The following NEK1 variants were observed in gnomAD, a reference collection of about 807,000 sequenced individuals.
NEK1 encodes the protein NIMA related kinase 1, also known as serine/threonine-protein kinase Nek1.
Under a neutral mutation model 182.1 loss-of-function variants are expected in NEK1, and 137 were observed. The ratio of observed to expected loss-of-function variants is 0.75; its 90% CI spans 0.65 to 0.87. The LOEUF (loss-of-function observed/expected upper bound fraction) is 0.87, where lower values mean the gene tolerates loss of function less well. NEK1 is among the 40% of genes least tolerant of loss of function. The pLI, the probability that NEK1 is intolerant of heterozygous loss-of-function variation, is 0.00. For synonymous variants in NEK1, 513 were observed against 492.2 expected, an observed-to-expected ratio of 1.04 and a Z score of -0.56; for missense variants, 1,391 against 1,494.4, an observed-to-expected ratio of 0.93 and a Z score of 1.14.
chr4:169,544,520 T>C (rs1760025801), intron 18 of NEK1, among the ~76,000 whole-genome samples: 1 of 152,124 alleles, frequency 6.6e-6, no homozygotes. Context: ...TTCTATTGTT[T>C]GCAATAGTTT....
intron 11 of NEK1, among the ~76,000 whole-genome samples, chr4:169,578,536 T>C (rs74508049): frequency 0.071 from 10,863 of 152,196 alleles, 1,272 homozygotes; most frequent in African/African-American, 0.25. Context: ...AAAAATGTAA[T>C]TGTAATAGAA....
chr4:169,553,367 A>G (rs557985809), intron 18 of NEK1, among the ~76,000 whole-genome samples: 1 of 152,336 alleles, frequency 6.6e-6, no homozygotes, highest in East Asian at 1.9e-4. Context: ...ACTCAAATGG[A>G]TCACAGATCT....
At chr4:169,452,774 C>T (rs1742080004) in intron 27 of NEK1, among the ~76,000 whole-genome samples, 1 of 152,212 alleles carries the variant, frequency 6.6e-6, no homozygotes, top group South Asian at 2.1e-4. Context: ...TGCCCTCTCT[C>T]ACCACTCCTA....
At chr4:169,397,765 C>T (rs531732096) in intron 35 of NEK1, among the ~76,000 whole-genome samples, 1 of 152,250 alleles carries the variant, frequency 6.6e-6, no homozygotes, top group Admixed American at 6.5e-5. Context: ...TGAAGCCACT[C>T]AGTTGTCAAA....
At chr4:169,546,803 CT>C (rs1032346531) in intron 18 of NEK1, among the ~76,000 whole-genome samples, 3 of 152,086 alleles carry the variant, frequency 2.0e-5, no homozygotes, top group African/African-American at 7.2e-5. Flanking sequence ...GCAACCCCTG[CT>C]TTTTTTGTTT....
intron 33 of NEK1, among the ~76,000 whole-genome samples, chr4:169,401,346 T>C (rs771082626): frequency 1.5e-4 from 23 of 152,116 alleles, no homozygotes; most frequent in Non-Finnish European, 3.1e-4. Context: ...TTCTAAAATA[T>C]AGAATGCCAA....
chr4:169,558,804 A>G (rs1455385426), intron 16 of NEK1, among the ~76,000 whole-genome samples: 4 of 152,188 alleles, frequency 2.6e-5, no homozygotes, highest in Non-Finnish European at 4.4e-5. Context: ...TTTACATTGG[A>G]TATTTATACT....
intron 23 of NEK1, among the ~76,000 whole-genome samples, chr4:169,505,010 T>A (rs1038594035): frequency 1.3e-5 from 2 of 151,840 alleles, no homozygotes; most frequent in African/African-American, 4.8e-5. Context: ...ATCTACCATG[T>A]ACCTACAAAA....
intron 19 of NEK1, among the ~76,000 whole-genome samples, chr4:169,515,129 T>A (rs1384870573): frequency 6.6e-6 from 1 of 152,168 alleles, no homozygotes; most frequent in Admixed American, 6.5e-5. Flanking sequence ...TGTTTGGAGA[T>A]TTTCCTGTCA....
intron 27 of NEK1, among the ~76,000 whole-genome samples, chr4:169,444,596 A>G (rs1465875520): frequency 2.6e-5 from 4 of 152,226 alleles, no homozygotes; most frequent in African/African-American, 9.6e-5. Flanking sequence ...ACTCAACAGC[A>G]GAACCCCTAG....
At chr4:169,483,170 T>G (rs1335749552) in intron 23 of NEK1, among the ~76,000 whole-genome samples, 2 of 152,212 alleles carry the variant, frequency 1.3e-5, no homozygotes, top group Non-Finnish European at 2.9e-5. Flanking sequence ...GAATAAGATC[T>G]GAGGAGTGAG....
At position 169,575,972 on chromosome 4, in the gene NEK1, G is replaced by GT. The variant is rs1271615047; in HGVS notation, c.1020+955dup. Among the ~76,000 whole-genome samples, 1,070 of 142,764 alleles carry GT rather than the reference G, an allele frequency of 7.5e-3. 14 individuals are homozygous for GT. Among genetic ancestry groups the GT allele is most frequent in the African/African-American group, 0.024 (941 of 39,306 alleles). The allele number at this position is 142,764 out of a possible 152,430, so 93.7% of individuals were successfully genotyped here. Reference sequence around the variant, plus strand: ...TATAATTTTTCTAAATTTCTTTTTTGTTTTTTTTTTTGAAACAGAATCTCA... The same window carrying GT: ...TATAATTTTTCTAAATTTCTTTTTTGTTTTTTTTTTTTGAAACAGAATCTCA... On this transcript the variant is annotated intron_variant, in intron 12 of 35. Transcript: ENST00000507142.
intron 2 of NEK1, among the ~76,000 whole-genome samples, chr4:169,610,255 G>A (rs999730461): frequency 6.6e-6 from 1 of 152,042 alleles, no homozygotes; most frequent in Non-Finnish European, 1.5e-5. Flanking sequence ...ACTTGCCTCG[G>A]CTTCCCAAAA....
intron 26 of NEK1, among the ~76,000 whole-genome samples, chr4:169,464,245 A>G (rs971577369): frequency 9.9e-5 from 15 of 152,206 alleles, no homozygotes; most frequent in Admixed American, 7.9e-4. Flanking sequence ...TAAGCAGCAC[A>G]GTATTATCAC....
chr4:169,539,461 T>C (rs1425226615), intron 18 of NEK1, among the ~76,000 whole-genome samples: 1 of 152,174 alleles, frequency 6.6e-6, no homozygotes, highest in Non-Finnish European at 1.5e-5. Flanking sequence ...TGCAACTTAT[T>C]TCCTGTATAT....
At chr4:169,533,874 T>C (rs1758047758) in intron 19 of NEK1, among the ~76,000 whole-genome samples, 1 of 152,182 alleles carries the variant, frequency 6.6e-6, no homozygotes, top group Non-Finnish European at 1.5e-5. Flanking sequence ...TGAAGATAAG[T>C]ACTCACATTG....
At chr4:169,521,281 C>A (rs374093552) in intron 19 of NEK1, among the ~76,000 whole-genome samples, 1 of 79,240 alleles carries the variant, frequency 1.3e-5, no homozygotes, top group Non-Finnish European at 2.6e-5. Flanking sequence ...CAGGTGCGTC[C>A]GTCACCCCTT....
intron 28 of NEK1, among the ~76,000 whole-genome samples, chr4:169,434,774 A>T (rs1738092142): frequency 6.6e-6 from 1 of 152,142 alleles, no homozygotes; most frequent in African/African-American, 2.4e-5. Context: ...TATTGTACTA[A>T]TCTTTAAGTT....
At position 169,417,972 on chromosome 4, in the gene NEK1, T is replaced by A. The variant is rs558102963; in HGVS notation, c.3222+6581A>T. On this transcript the variant is annotated intron_variant, in intron 31 of 35. Coordinates refer to ENST00000507142, the MANE Select transcript of NEK1 (RefSeq NM_001199397.3). The stretch of plus-strand genomic sequence containing the variant: ...TCATTAAAATAAAACAAAAAAAACT[T>A]CAAAACTTTGCAAGGTAGTTTTCTT... Among the ~76,000 whole-genome samples, 4 of 152,122 alleles carry A rather than the reference T, an allele frequency of 2.6e-5. No homozygotes were observed. In the East Asian group the frequency reaches 7.7e-4, roughly 29 times the overall value.
Sources: gnomAD v4.1 joint callset for allele counts (sites outside exome capture counted in the v4.1 genomes callset) on GRCh38, gnomAD v4.1.1 for gene constraint, MANE v1.5 for transcripts, NCBI Gene and HGNC (gene_info 2026-07-23, HGNC 2026-07-21) for gene names.